ENAH: variants seen among roughly 807,000 people sequenced by gnomAD.
The protein encoded by ENAH is ENAH actin regulator.
A neutral mutation model predicts 78.7 loss-of-function variants in ENAH; 23 were observed. That is an observed-to-expected ratio of 0.29 (90% CI 0.21 to 0.41). The LOEUF (loss-of-function observed/expected upper bound fraction) is 0.41. Ranked by LOEUF, ENAH falls within the 10% of genes least tolerant of loss-of-function variation. The pLI is 1.00. For synonymous variants in ENAH, 226 were observed against 241.0 expected, an observed-to-expected ratio of 0.94 and a Z score of 0.58; for missense variants, 544 against 691.0, an observed-to-expected ratio of 0.79 and a Z score of 2.39.
chr1:225,566,630 T>C (rs2096736313), intron 2 of ENAH, among the ~76,000 whole-genome samples: 1 of 152,238 alleles, frequency 6.6e-6, no homozygotes, highest in Non-Finnish European at 1.5e-5. Flanking sequence ...TAGTTAATGC[T>C]AGTAAGAGCT....
At chr1:225,609,320 G>C (rs1304075123) in intron 1 of ENAH, among the ~76,000 whole-genome samples, 1 of 151,788 alleles carries the variant, frequency 6.6e-6, no homozygotes, top group Non-Finnish European at 1.5e-5. Context: ...ATTAAATCCA[G>C]CTAAAACAAA....
At position 225,490,113 on chromosome 1, in the gene ENAH, TAA is replaced by T. The variant is rs1031292377; in HGVS notation, c.*7660_*7661del. On this transcript the variant is annotated 3_prime_UTR_variant, in exon 14 of 14. Coordinates refer to ENST00000366843, the MANE Select transcript of ENAH (RefSeq NM_018212.6). The stretch of plus-strand genomic sequence containing the variant: ...ACTAGCCCCACAGCCTGAAAACTGG[TAA>T]AGTCAGTCCCAGTCCAATGACCTGC... 4.0e-5 allele frequency: 6 copies of T among 151,872 alleles called. No individual in the cohort carries two copies. The highest frequency in any genetic ancestry group is 1.9e-4 in the East Asian group (1 of 5,180). The allele number at this position is 151,872 out of a possible 1,614,324, so 9.4% of individuals were successfully genotyped here. A position where few individuals can be genotyped will look rare whatever the true frequency, so the allele number is the denominator to read the frequency against.
At chr1:225,507,594 G>A (rs932994731) in intron 11 of ENAH, among the ~76,000 whole-genome samples, 3 of 152,014 alleles carry the variant, frequency 2.0e-5, no homozygotes, top group South Asian at 2.1e-4. Context: ...TAAGACAAGT[G>A]GGGCAAAATG....
In ENAH at chr1:225,530,648, G is replaced by A. The variant is rs773630731; in HGVS notation, c.350-10C>T. The A allele has an allele frequency of 4.4e-6, 7 of 1,597,210 alleles. No homozygotes were observed. The African/African-American group carries it at 9.4e-5, about 21-fold the overall frequency. ...CTAGGCAATGTTGGCCCTACAGAGG[G>A]AGAAAACATTACAGATGAACATTAT... On this transcript the variant is annotated splice_polypyrimidine_tract_variant and intron_variant, in intron 3 of 13. Coordinates refer to ENST00000366843, the MANE Select transcript of ENAH (RefSeq NM_018212.6).
chr1:225,618,169 G>GC (rs1365636688), intron 1 of ENAH, among the ~76,000 whole-genome samples: 21 of 152,140 alleles, frequency 1.4e-4, no homozygotes, highest in Non-Finnish European at 2.9e-5. Flanking sequence ...AACAGCTGTT[G>GC]CCCTTGCCAA....
At chr1:225,649,637 T>C (rs931710957) in intron 1 of ENAH, among the ~76,000 whole-genome samples, 2 of 152,180 alleles carry the variant, frequency 1.3e-5, no homozygotes, top group African/African-American at 4.8e-5. Context: ...GTATAAGTAA[T>C]ATGCTTTTTC....
rs1156924472 is a variant in ENAH at position 225,523,657 on chromosome 1, T to TG, written c.435-4093dup. Among the ~76,000 whole-genome samples, 27 of 152,254 alleles carry TG rather than the reference T, an allele frequency of 1.8e-4. 2 individuals are homozygous for TG. The South Asian group carries it at 4.4e-3, about 25-fold the overall frequency. On this transcript the variant is annotated intron_variant, in intron 4 of 13. Coordinates refer to ENST00000366843, the MANE Select transcript of ENAH (RefSeq NM_018212.6). The stretch of plus-strand genomic sequence containing the variant: ...CATCTAAACGGATTTCCCAAAATAG[T>TG]GATTCAAGCAGAAAATCTCTGGCTT...
At chr1:225,504,846 G>T in intron 11 of ENAH, 2 of 477,352 alleles carry the variant, frequency 4.2e-6, no homozygotes, top group Non-Finnish European at 3.7e-6. Context: ...ACTGTGAAGT[G>T]ATGGCAGAAT....
chr1:225,626,297 G>T (rs1575776504), intron 1 of ENAH, among the ~76,000 whole-genome samples: 1 of 152,194 alleles, frequency 6.6e-6, no homozygotes, highest in East Asian at 1.9e-4. Context: ...TAAACAGTCA[G>T]CTTAAGTACA....
At chr1:225,546,425 G>A (rs1042413891) in intron 3 of ENAH, among the ~76,000 whole-genome samples, 1 of 152,074 alleles carries the variant, frequency 6.6e-6, no homozygotes, top group African/African-American at 2.4e-5. Context: ...TGTAAATGGG[G>A]GATCACAAAA....
At chr1:225,606,783 C>T (rs2096957738) in intron 1 of ENAH, among the ~76,000 whole-genome samples, 1 of 129,256 alleles carries the variant, frequency 7.7e-6, no homozygotes, top group Non-Finnish European at 1.5e-5. Context: ...GCAGGGATTG[C>T]AGTGAGCCAA....
chr1:225,641,256 T>A (rs1200096936), intron 1 of ENAH, among the ~76,000 whole-genome samples: 1 of 151,944 alleles, frequency 6.6e-6, no homozygotes, highest in Non-Finnish European at 1.5e-5. Context: ...AAGCATATTA[T>A]ATATGCTTTT....
intron 7 of ENAH, 142 bp downstream of exon 7, chr1:225,514,454 A>G (rs931663227): frequency 6.3e-6 from 5 of 789,500 alleles, no homozygotes; most frequent in Non-Finnish European, 1.0e-5. Context: ...GGTATGAGCC[A>G]TTGCGCCAGG....
chr1:225,549,661 T>C (rs1370062647), intron 3 of ENAH, among the ~76,000 whole-genome samples: 3 of 152,052 alleles, frequency 2.0e-5, no homozygotes, highest in Non-Finnish European at 2.9e-5. Flanking sequence ...TGGTTATGTA[T>C]ACGCCAGATT....
At chr1:225,625,006 G>A (rs79927427) in intron 1 of ENAH, among the ~76,000 whole-genome samples, 6,512 of 152,296 alleles carry the variant, frequency 0.043, 229 homozygotes, top group South Asian at 0.1. Flanking sequence ...GTGGAGAACT[G>A]TGGTCAACAA....
chr1:225,533,518 C>T (rs918830486), intron 3 of ENAH, among the ~76,000 whole-genome samples: 4 of 152,210 alleles, frequency 2.6e-5, no homozygotes, highest in Admixed American at 2.0e-4. Flanking sequence ...AACTAGTGAA[C>T]CTGCTTTGCT....
At chr1:225,601,551 T>C (rs2096931319) in intron 1 of ENAH, among the ~76,000 whole-genome samples, 1 of 150,900 alleles carries the variant, frequency 6.6e-6, no homozygotes, top group African/African-American at 2.4e-5. Context: ...AAGGTTCCAA[T>C]TACAAAATAC....
intron 1 of ENAH, among the ~76,000 whole-genome samples, chr1:225,602,447 A>G (rs754104007): frequency 1.3e-5 from 2 of 152,190 alleles, no homozygotes; most frequent in Non-Finnish European, 2.9e-5. Flanking sequence ...AATACTGACT[A>G]ATCAAATCCA....
chr1:225,579,475 A>C (rs2096804044), intron 1 of ENAH, among the ~76,000 whole-genome samples: 1 of 152,222 alleles, frequency 6.6e-6, no homozygotes, highest in South Asian at 2.1e-4. Flanking sequence ...CTTATTCATA[A>C]AATTAATACT....
Sources: gnomAD v4.1 joint callset for allele counts (sites outside exome capture counted in the v4.1 genomes callset) on GRCh38, gnomAD v4.1.1 for gene constraint, MANE v1.5 for transcripts, NCBI Gene and HGNC (gene_info 2026-07-23, HGNC 2026-07-21) for gene names.